GPR158: variants seen among roughly 807,000 people sequenced by gnomAD.
GPR158 encodes the protein G protein-coupled receptor 158, also known as metabotropic glycine receptor.
A neutral mutation model predicts 78.2 loss-of-function variants in GPR158; 30 were observed. The ratio of observed to expected loss-of-function variants is 0.38; its 90% confidence interval spans 0.29 to 0.52. The LOEUF (loss-of-function observed/expected upper bound fraction) is 0.52, where lower values mean the gene tolerates loss of function less well. Ranked by LOEUF, GPR158 falls within the 20% of genes least tolerant of loss-of-function variation. The pLI is 0.83. For missense variants in GPR158, 1,463 were observed against 1,523.5 expected, an observed-to-expected ratio of 0.96 and a Z score of 0.66; for synonymous variants, 581 against 591.1, an observed-to-expected ratio of 0.98 and a Z score of 0.25.
chr10:25,207,003 A>G (rs1853049608), intron 1 of GPR158, among the ~76,000 whole-genome samples: 1 of 151,636 alleles, frequency 6.6e-6, no homozygotes, highest in African/African-American at 2.4e-5. Context: ...CACGGGGGAA[A>G]TGCAAAGAGC....
intron 2 of GPR158, among the ~76,000 whole-genome samples, chr10:25,385,006 C>T (rs1834204393): frequency 1.3e-5 from 2 of 151,976 alleles, no homozygotes; most frequent in African/African-American, 4.8e-5. Flanking sequence ...ACTATCTTAA[C>T]CTATTTAACT....
chr10:25,390,619 C>T (rs959484490), intron 2 of GPR158, among the ~76,000 whole-genome samples: 1 of 152,154 alleles, frequency 6.6e-6, no homozygotes, highest in Non-Finnish European at 1.5e-5. Flanking sequence ...CTTTTAAAAG[C>T]ATTTAGTTTT....
intron 2 of GPR158, among the ~76,000 whole-genome samples, chr10:25,265,102 C>A (rs938818528): frequency 3.3e-5 from 5 of 151,984 alleles, no homozygotes; most frequent in African/African-American, 9.7e-5. Flanking sequence ...AACAAAATGG[C>A]TTTCTTAATG....
chr10:25,596,516 T>C (rs1040610064), intron 9 of GPR158, 127 bp from the exon 10 acceptor site: 1 of 617,566 alleles, frequency 1.6e-6, no homozygotes. Context: ...TCTATATATA[T>C]AGATAGATAG....
intron 2 of GPR158, among the ~76,000 whole-genome samples, chr10:25,389,702 A>G (rs1834268547): frequency 1.3e-5 from 2 of 152,048 alleles, no homozygotes; most frequent in South Asian, 4.2e-4. Context: ...GAAAGAATAG[A>G]GAAGGAAAGA....
chr10:25,329,072 C>G (rs1355060404), intron 2 of GPR158, among the ~76,000 whole-genome samples: 1 of 151,556 alleles, frequency 6.6e-6, no homozygotes, highest in East Asian at 1.9e-4. Flanking sequence ...ATCATTCTTC[C>G]TGGTAGTTTG....
chr10:25,528,934 A>G (rs1270521543), intron 5 of GPR158, among the ~76,000 whole-genome samples: 1 of 152,212 alleles, frequency 6.6e-6, no homozygotes, highest in Non-Finnish European at 1.5e-5. Context: ...CAATGGGACA[A>G]AATAAAGCAA....
At chr10:25,561,529 A>C (rs1003041179) in intron 6 of GPR158, among the ~76,000 whole-genome samples, 1 of 152,204 alleles carries the variant, frequency 6.6e-6, no homozygotes, top group Non-Finnish European at 1.5e-5. Flanking sequence ...TAGGGGAAGC[A>C]GTGGGGAGGG....
intron 2 of GPR158, among the ~76,000 whole-genome samples, chr10:25,290,184 A>C (rs1288867222): frequency 6.6e-6 from 1 of 152,218 alleles, no homozygotes; most frequent in Non-Finnish European, 1.5e-5. Context: ...CTCAGATTAA[A>C]TGTGGCTCTT....
intron 1 of GPR158, among the ~76,000 whole-genome samples, chr10:25,202,488 G>A (rs1368223485): frequency 6.6e-6 from 1 of 152,112 alleles, no homozygotes; most frequent in East Asian, 1.9e-4. Context: ...CCACCTATGA[G>A]TGAGAACATG....
At chr10:25,392,439 C>A (rs905813977) in intron 2 of GPR158, among the ~76,000 whole-genome samples, 1 of 152,216 alleles carries the variant, frequency 6.6e-6, no homozygotes. Context: ...CAGGCCAGAG[C>A]AAAAGTCAGG....
chr10:25,486,107 G>A (rs1427871115), intron 5 of GPR158, among the ~76,000 whole-genome samples: 1 of 152,120 alleles, frequency 6.6e-6, no homozygotes, highest in South Asian at 2.1e-4. Context: ...AATTTCTGTT[G>A]TTTTTAAGCT....
intron 2 of GPR158, among the ~76,000 whole-genome samples, chr10:25,225,729 T>C (rs1202319994): frequency 6.6e-6 from 1 of 152,170 alleles, no homozygotes; most frequent in Non-Finnish European, 1.5e-5. Flanking sequence ...TCATTGGTCT[T>C]ATATTGCTCT....
chr10:25,385,223 CT>C (rs1834207067), intron 2 of GPR158, among the ~76,000 whole-genome samples: 1 of 151,826 alleles, frequency 6.6e-6, no homozygotes, highest in Non-Finnish European at 1.5e-5. Context: ...GAGTATTTGG[CT>C]TTTTGTGCTA....
At chr10:25,272,771 G>A (rs541428411) in intron 2 of GPR158, among the ~76,000 whole-genome samples, 5 of 152,168 alleles carry the variant, frequency 3.3e-5, no homozygotes, top group Non-Finnish European at 4.4e-5. Context: ...GAGGAAAAAC[G>A]TTGGCTGCTT....
intron 4 of GPR158, among the ~76,000 whole-genome samples, chr10:25,431,337 G>A (rs370501276): frequency 8.7e-5 from 13 of 148,822 alleles, no homozygotes; most frequent in South Asian, 4.4e-4. Flanking sequence ...TAGAATGGCA[G>A]TCATTAAAAA....
chr10:25,232,503 C>T (rs544015202), intron 2 of GPR158, among the ~76,000 whole-genome samples: 1 of 152,296 alleles, frequency 6.6e-6, no homozygotes, highest in African/African-American at 2.4e-5. Context: ...CTGTATTATA[C>T]AAGAATTAAA....
chr10:25,554,844 A>G (rs1303983047), intron 6 of GPR158, among the ~76,000 whole-genome samples: 1 of 152,168 alleles, frequency 6.6e-6, no homozygotes, highest in Non-Finnish European at 1.5e-5. Context: ...TTATAAAAAG[A>G]CCAGCTTTTA....
At chr10:25,276,510 G>C (rs1447985108) in intron 2 of GPR158, among the ~76,000 whole-genome samples, 3 of 152,114 alleles carry the variant, frequency 2.0e-5, no homozygotes, top group Admixed American at 2.0e-4. Flanking sequence ...AGGCCACTTT[G>C]TATAACATAC....
Sources: allele counts gnomAD v4.1 joint callset (sites outside exome capture counted in the v4.1 genomes callset), GRCh38; gene constraint gnomAD v4.1.1; transcripts MANE v1.5; gene names NCBI Gene and HGNC (gene_info 2026-07-23, HGNC 2026-07-21).